NCKAP5: variants seen among roughly 807,000 people sequenced by gnomAD.
NCKAP5 encodes nck-associated protein 5.
Under a neutral mutation model 167.0 loss-of-function variants are expected in NCKAP5, and 92 were observed. That is an observed-to-expected ratio of 0.55 (90% CI 0.47 to 0.66). NCKAP5 has a LOEUF of 0.66. NCKAP5 is among the 30% of genes least tolerant of loss of function. The pLI, the probability that NCKAP5 is intolerant of heterozygous loss-of-function variation, is 0.00. For synonymous variants in NCKAP5, 891 were observed against 877.4 expected, an observed-to-expected ratio of 1.02 and a Z score of -0.27; for missense variants, 2,378 against 2,315.0, an observed-to-expected ratio of 1.03 and a Z score of -0.56.
At chr2:133,613,834 T>C in the NCKAP5 span, among the ~76,000 whole-genome samples, 95 of 152,324 alleles carry the variant, frequency 6.2e-4, no homozygotes, top group Non-Finnish European at 1.0e-3. Flanking sequence ...TGAGCTGTAA[T>C]GCAAGAGTTG....
At chr2:132,805,918 C>T (rs1165381528) in intron 11 of NCKAP5, among the ~76,000 whole-genome samples, 2 of 152,064 alleles carry the variant, frequency 1.3e-5, no homozygotes, top group African/African-American at 2.4e-5. Context: ...TCTTTTATCC[C>T]TCGCCCCCTT....
At chr2:133,250,125 C>A (rs780036509) in intron 4 of NCKAP5, among the ~76,000 whole-genome samples, 1 of 151,390 alleles carries the variant, frequency 6.6e-6, no homozygotes, top group Non-Finnish European at 1.5e-5. Flanking sequence ...GGAAGGAATG[C>A]CAGAGCACAA....
rs143281777 is a variant in NCKAP5, at chr2:132,712,111, T to G, written c.5713+13516A>C. ...CACCCACTGCCAGTTGGTACCACAT[T>G]TGTATTATCAATTACCCTCACAGAA... On this transcript the variant is annotated intron_variant, in intron 19 of 19. Coordinates refer to ENST00000409261, the MANE Select transcript of NCKAP5 (RefSeq NM_207363.3). Among the ~76,000 whole-genome samples, 6 of 152,258 alleles carry G rather than the reference T, an allele frequency of 3.9e-5. No homozygotes were observed. The East Asian group carries it at 9.7e-4, about 25-fold the overall frequency.
chr2:132,982,167 T>G (rs565944054), intron 7 of NCKAP5, among the ~76,000 whole-genome samples: 1 of 152,360 alleles, frequency 6.6e-6, no homozygotes, highest in East Asian at 1.9e-4. Context: ...TAATATCTAC[T>G]GTTTATTGAA....
the NCKAP5 span, among the ~76,000 whole-genome samples, chr2:133,583,758 T>A: frequency 6.6e-6 from 1 of 152,152 alleles, no homozygotes; most frequent in Non-Finnish European, 1.5e-5. Context: ...TAAACCTTTT[T>A]TTTTTCTTGT....
chr2:133,272,205 A>C (rs901919483), intron 4 of NCKAP5, among the ~76,000 whole-genome samples: 19 of 151,814 alleles, frequency 1.3e-4, no homozygotes, highest in Non-Finnish European at 2.8e-4. Context: ...ATGGAAATAA[A>C]TGTTCAAAGT....
chr2:133,388,105 G>A (rs1057455109), intron 3 of NCKAP5, among the ~76,000 whole-genome samples: 1 of 152,220 alleles, frequency 6.6e-6, no homozygotes, highest in African/African-American at 2.4e-5. Flanking sequence ...TTCCTTTGGA[G>A]GAAGAGAGGT....
At chr2:133,582,206 C>A in the NCKAP5 span, among the ~76,000 whole-genome samples, 28,769 of 152,106 alleles carry the variant, frequency 0.19, 2,962 homozygotes, top group Non-Finnish European at 0.22. Context: ...AGCACCAGCA[C>A]CATGCAGGAG....
intron 3 of NCKAP5, among the ~76,000 whole-genome samples, chr2:133,434,141 G>T (rs558641716): frequency 6.6e-6 from 1 of 152,228 alleles, no homozygotes; most frequent in Non-Finnish European, 1.5e-5. Context: ...AAATATTCTA[G>T]AATAAGTATT....
At chr2:132,820,159 T>A (rs746334589) in intron 11 of NCKAP5, among the ~76,000 whole-genome samples, 3 of 152,116 alleles carry the variant, frequency 2.0e-5, no homozygotes, top group African/African-American at 7.2e-5. Flanking sequence ...ATGGAGAAAG[T>A]TTTTCAATTT....
At chr2:133,325,092 G>T (rs1680910059) in intron 3 of NCKAP5, among the ~76,000 whole-genome samples, 2 of 152,086 alleles carry the variant, frequency 1.3e-5, no homozygotes, top group Admixed American at 1.3e-4. Flanking sequence ...AGGAGCCGTT[G>T]GATATAACTG....
intron 6 of NCKAP5, among the ~76,000 whole-genome samples, chr2:133,063,715 C>T (rs1431565179): frequency 2.0e-5 from 3 of 152,218 alleles, no homozygotes; most frequent in Non-Finnish European, 4.4e-5. Context: ...GCTTAACTTT[C>T]TCTCTAGTCA....
chr2:133,370,700 G>T (rs533153351), intron 3 of NCKAP5, among the ~76,000 whole-genome samples: 1 of 145,992 alleles, frequency 6.8e-6, no homozygotes, highest in African/African-American at 2.7e-5. Flanking sequence ...TTTGGCTAAC[G>T]TATTTTTTTT....
At chr2:132,683,845 C>A (rs1017853428) in intron 19 of NCKAP5, among the ~76,000 whole-genome samples, 20 of 152,160 alleles carry the variant, frequency 1.3e-4, no homozygotes, top group Non-Finnish European at 2.8e-4. Context: ...ATGCTGATGA[C>A]ATTCTTAGAG....
intron 7 of NCKAP5, among the ~76,000 whole-genome samples, chr2:132,981,308 C>A (rs1007545949): frequency 6.6e-6 from 1 of 152,074 alleles, no homozygotes; most frequent in African/African-American, 2.4e-5. Flanking sequence ...TTGGTGCATC[C>A]CACAGAAGGC....
At chr2:133,197,950 G>GA (rs57452714) in intron 5 of NCKAP5, among the ~76,000 whole-genome samples, 5,216 of 149,296 alleles carry the variant, frequency 0.035, 287 homozygotes, top group African/African-American at 0.12. Context: ...CTCCATCTCA[G>GA]AAAAAAAAAG....
intron 6 of NCKAP5, among the ~76,000 whole-genome samples, chr2:133,067,229 A>G (rs1210999346): frequency 4.6e-5 from 7 of 152,168 alleles, no homozygotes; most frequent in Admixed American, 4.6e-4. Flanking sequence ...TCATATTGTT[A>G]TAAGTGTTAT....
At chr2:133,178,504 C>A (rs1574284515) in intron 5 of NCKAP5, among the ~76,000 whole-genome samples, 2 of 23,942 alleles carry the variant, frequency 8.4e-5, no homozygotes, top group African/African-American at 5.3e-4. Flanking sequence ...GACCCTGTCT[C>A]AAAAAAAAAA....
intron 6 of NCKAP5, among the ~76,000 whole-genome samples, chr2:133,116,355 G>C (rs1187530832): frequency 1.6e-5 from 2 of 124,686 alleles, no homozygotes; most frequent in Non-Finnish European, 3.2e-5. Context: ...GGGCGTGGTG[G>C]CGGGCGCCTG....
Sources: allele counts gnomAD v4.1 joint callset (sites outside exome capture counted in the v4.1 genomes callset), GRCh38; gene constraint gnomAD v4.1.1; transcripts MANE v1.5; gene names NCBI Gene and HGNC (gene_info 2026-07-23, HGNC 2026-07-21).